The following DNAH6 variants were observed in gnomAD, a reference collection of about 807,000 sequenced individuals.
The protein encoded by DNAH6 is axonemal beta dynein heavy chain 6.
A neutral mutation model predicts 491.4 loss-of-function variants in DNAH6; 340 were observed. That is an observed-to-expected ratio of 0.69 (90% CI 0.63 to 0.76). The LOEUF (loss-of-function observed/expected upper bound fraction) is 0.76. Among genes scored for constraint, DNAH6 ranks in the 30% least tolerant of loss-of-function variants. The pLI, the probability that DNAH6 is intolerant of heterozygous loss-of-function variation, is 0.00. For synonymous variants in DNAH6, 1,603 were observed against 1,686.1 expected (o/e 0.95, Z 1.21); for missense variants, 4,443 against 4,972.2 (o/e 0.89, Z 3.20).
At chr2:84,720,318 G>A (rs911709438) in intron 59 of DNAH6, among the ~76,000 whole-genome samples, 4 of 108,248 alleles carry the variant, frequency 3.7e-5, no homozygotes, top group Non-Finnish European at 6.8e-5. Flanking sequence ...TCGCTCTGTC[G>A]CCCAGGCTGG....
chr2:84,760,752 A>G (rs1461592277), intron 63 of DNAH6, among the ~76,000 whole-genome samples: 1 of 152,132 alleles, frequency 6.6e-6, no homozygotes, highest in African/African-American at 2.4e-5. Context: ...AGTATTTAAA[A>G]AAATTTTTTT....
intron 62 of DNAH6, among the ~76,000 whole-genome samples, chr2:84,744,544 A>G (rs1402192850): frequency 1.3e-5 from 2 of 152,244 alleles, no homozygotes; most frequent in Non-Finnish European, 2.9e-5. Context: ...TTTGAATTAC[A>G]TATGCTAGAA....
chr2:84,668,083 C>T lies in DNAH6; in HGVS notation c.6085-1206C>T, dbSNP rs187273971. ...GGGTGGGGAACATCACACACCACGG[C>T]CTGTCGTGGGGCGGGGGGAGGTGGG... is the stretch of plus-strand genomic sequence containing the variant. On this transcript the variant is annotated intron_variant, in intron 37 of 76. Coordinates refer to ENST00000389394, the MANE Select transcript of DNAH6 (RefSeq NM_001370.2). Among the ~76,000 whole-genome samples the T allele has an allele frequency of 3.3e-3, 501 of 152,166 alleles. 2 individuals are homozygous for T. The highest frequency in any genetic ancestry group is 0.012 in the African/African-American group (480 of 41,520).
intron 22 of DNAH6, among the ~76,000 whole-genome samples, chr2:84,613,853 A>AT (rs1472891099): frequency 1.3e-5 from 2 of 152,086 alleles, no homozygotes; most frequent in Non-Finnish European, 2.9e-5. Flanking sequence ...TTCTTAGTCA[A>AT]TTCCCCCCAT....
At chr2:84,576,010 A>C (rs1238376622) in intron 12 of DNAH6, among the ~76,000 whole-genome samples, 1 of 152,206 alleles carries the variant, frequency 6.6e-6, no homozygotes. Flanking sequence ...AGAGTTTTGG[A>C]CCAAATAAAT....
chr2:84,604,756 G>GCCTAT (rs1460959365), intron 19 of DNAH6, among the ~76,000 whole-genome samples: 2 of 151,886 alleles, frequency 1.3e-5, no homozygotes, highest in Non-Finnish European at 2.9e-5. Flanking sequence ...TAACACATAG[G>GCCTAT]AACTTGATGG....
At chr2:84,687,038 G>T (rs868152564) in intron 44 of DNAH6, among the ~76,000 whole-genome samples, 18 of 152,174 alleles carry the variant, frequency 1.2e-4, no homozygotes, top group African/African-American at 4.3e-4. Context: ...TTGGTTAAGA[G>T]AATTGTTCTC....
At chr2:84,681,643 C>A in intron 42 of DNAH6, 115 bp downstream of exon 42, 1 of 894,188 alleles carries the variant, frequency 1.1e-6, no homozygotes, top group Non-Finnish European at 1.6e-6. Flanking sequence ...CCAGAAATCC[C>A]ATCACCTGTT....
At chr2:84,723,186 C>G (rs975622668) in intron 60 of DNAH6, among the ~76,000 whole-genome samples, 1 of 152,094 alleles carries the variant, frequency 6.6e-6, no homozygotes, top group Non-Finnish European at 1.5e-5. Context: ...CAAGATCGTG[C>G]CACTGCACTC....
intron 76 of DNAH6, among the ~76,000 whole-genome samples, chr2:84,818,122 C>T (rs1189051491): frequency 1.3e-5 from 2 of 152,096 alleles, no homozygotes; most frequent in African/African-American, 2.4e-5. Flanking sequence ...CCATCTTGTA[C>T]AAGGATCAAA....
intron 2 of DNAH6, among the ~76,000 whole-genome samples, chr2:84,522,928 T>TTG (rs1193047830): frequency 1.3e-5 from 2 of 152,046 alleles, no homozygotes; most frequent in African/African-American, 2.4e-5. Flanking sequence ...AAGTTTTCTT[T>TTG]TGTGTGTGTG....
At chr2:84,628,882 G>A (rs1181965397) in intron 29 of DNAH6, among the ~76,000 whole-genome samples, 1 of 152,166 alleles carries the variant, frequency 6.6e-6, no homozygotes, top group South Asian at 2.1e-4. Context: ...CCACCTCCCA[G>A]CTAAGAGATA....
chr2:84,762,239 A>G (rs984329256), intron 63 of DNAH6, among the ~76,000 whole-genome samples: 4 of 152,208 alleles, frequency 2.6e-5, no homozygotes, highest in Non-Finnish European at 4.4e-5. Context: ...AATGGAGCCA[A>G]TTTTCTGAAA....
intron 47 of DNAH6, chr2:84,697,978 G>T (rs556647437): frequency 1.3e-4 from 63 of 499,242 alleles, no homozygotes; most frequent in African/African-American, 5.4e-4. Context: ...GTCCAAACTG[G>T]CCAGCCTCTC....
intron 11 of DNAH6, among the ~76,000 whole-genome samples, chr2:84,567,540 A>C (rs1363224950): frequency 6.6e-6 from 1 of 152,172 alleles, no homozygotes; most frequent in East Asian, 1.9e-4. Context: ...AAAAACAATC[A>C]ATGGGGAAAG....
intron 33 of DNAH6, among the ~76,000 whole-genome samples, chr2:84,644,669 C>A (rs572236744): frequency 6.6e-6 from 1 of 152,156 alleles, no homozygotes; most frequent in Non-Finnish European, 1.5e-5. Flanking sequence ...TTAGCTCCTA[C>A]TTATAAGTAA....
At chr2:84,802,582 T>C (rs1679033370) in intron 70 of DNAH6, among the ~76,000 whole-genome samples, 1 of 151,910 alleles carries the variant, frequency 6.6e-6, no homozygotes, top group South Asian at 2.1e-4. Flanking sequence ...AAAAGACTTT[T>C]ACAGCCGCAC....
chr2:84,601,078 T>TATTATTATA (rs1298480599), intron 18 of DNAH6, among the ~76,000 whole-genome samples: 10 of 149,410 alleles, frequency 6.7e-5, no homozygotes, highest in African/African-American at 2.0e-4. Context: ...AAGGAATCCT[T>TATTATTATA]GTAGAAATGG....
intron 4 of DNAH6, among the ~76,000 whole-genome samples, chr2:84,542,118 A>G (rs1678310709): frequency 6.6e-6 from 1 of 152,226 alleles, no homozygotes; most frequent in African/African-American, 2.4e-5. Flanking sequence ...TTAGAATTCA[A>G]CATCATGGAC....
Sources: gnomAD v4.1 joint callset for allele counts (sites outside exome capture counted in the v4.1 genomes callset) on GRCh38, gnomAD v4.1.1 for gene constraint, MANE v1.5 for transcripts, NCBI Gene and HGNC (gene_info 2026-07-23, HGNC 2026-07-21) for gene names.